Variants in CDH18 observed in about 807,000 individuals in gnomAD.
CDH18 encodes cadherin 18.
Under a neutral mutation model 67.9 loss-of-function variants are expected in CDH18, and 31 were observed. That is an observed-to-expected ratio of 0.46 (90% CI 0.34 to 0.62). The LOEUF (loss-of-function observed/expected upper bound fraction) is 0.62, where lower values mean the gene tolerates loss of function less well. CDH18 is among the 20% of genes least tolerant of loss of function. The probability of loss-of-function intolerance (pLI) is 0.01; values close to 1 mark genes in which losing one functional copy is unlikely to be tolerated. For missense variants in CDH18, 890 were observed against 975.5 expected, an observed-to-expected ratio of 0.91 and a Z score of 1.17; for synonymous variants, 362 against 347.2, an observed-to-expected ratio of 1.04 and a Z score of -0.48.
intron 1 of CDH18, among the ~76,000 whole-genome samples, chr5:20,555,402 G>A (rs1424694485): frequency 2.6e-5 from 2 of 78,136 alleles, no homozygotes; most frequent in Admixed American, 1.3e-4. Context: ...ACCAAGACAA[G>A]CTTTTCTTTT....
intron 6 of CDH18, among the ~76,000 whole-genome samples, chr5:19,604,702 AT>A (rs1303457375): frequency 6.6e-6 from 1 of 152,062 alleles, no homozygotes; most frequent in African/African-American, 2.4e-5. Flanking sequence ...TACTACTGCC[AT>A]TTGAATGCCA....
At chr5:19,737,755 A>G (rs1228806288) in intron 4 of CDH18, among the ~76,000 whole-genome samples, 1 of 152,244 alleles carries the variant, frequency 6.6e-6, no homozygotes, top group Admixed American at 6.5e-5. Context: ...GCATTTGCTT[A>G]AAATCTTTTT....
At chr5:20,090,319 C>T (rs568774723) in intron 2 of CDH18, among the ~76,000 whole-genome samples, 7 of 152,124 alleles carry the variant, frequency 4.6e-5, no homozygotes, top group South Asian at 2.1e-4. Context: ...GGCGAATCAC[C>T]GGTTTAGGAG....
intron 1 of CDH18, among the ~76,000 whole-genome samples, chr5:19,984,626 T>G (rs1485859078): frequency 2.0e-5 from 3 of 152,222 alleles, no homozygotes; most frequent in Non-Finnish European, 2.9e-5. Context: ...GAATCTATGA[T>G]AATTTACCAA....
intron 2 of CDH18, among the ~76,000 whole-genome samples, chr5:20,062,433 G>C (rs1191900204): frequency 3.9e-5 from 6 of 152,000 alleles, no homozygotes; most frequent in African/African-American, 1.4e-4. Context: ...GATGGAATCA[G>C]TTCTCTTTAA....
chr5:19,614,971 C>T (rs1561473454), intron 5 of CDH18, among the ~76,000 whole-genome samples: 1 of 152,022 alleles, frequency 6.6e-6, no homozygotes, highest in Non-Finnish European at 1.5e-5. Flanking sequence ...CATGGTGAAA[C>T]CCCGTCTCTA....
intron 1 of CDH18, among the ~76,000 whole-genome samples, chr5:20,402,637 A>C (rs1051803414): frequency 7.5e-4 from 104 of 138,740 alleles, no homozygotes; most frequent in African/African-American, 3.4e-3. Flanking sequence ...TGGATATCTT[A>C]ACTTAAAATA....
chr5:19,726,290 T>C (rs866646194), intron 4 of CDH18, among the ~76,000 whole-genome samples: 7 of 152,216 alleles, frequency 4.6e-5, no homozygotes, highest in Middle Eastern at 3.4e-3. Flanking sequence ...AAAATATATA[T>C]ATAGTAACTC....
chr5:19,535,331 T>C (rs1749245550), intron 9 of CDH18, among the ~76,000 whole-genome samples: 1 of 152,232 alleles, frequency 6.6e-6, no homozygotes, highest in African/African-American at 2.4e-5. Flanking sequence ...GTAAAAGTGC[T>C]AATTAGGATC....
At chr5:19,817,814 T>C (rs561454807) in intron 3 of CDH18, among the ~76,000 whole-genome samples, 1 of 152,218 alleles carries the variant, frequency 6.6e-6, no homozygotes, top group Admixed American at 6.5e-5. Flanking sequence ...CTGTGAATGG[T>C]CAATACTGAA....
chr5:19,887,246 T>C lies in CDH18; in HGVS notation c.-256-48004A>G, dbSNP rs191122631. 7.9e-5 allele frequency among the ~76,000 whole-genome samples: 12 copies of C among 151,832 alleles called. 1 individual carries two copies. In the East Asian group the frequency reaches 2.1e-3, roughly 27 times the overall value. ...CAAAAACGTAACAGCGCATACTCAC[T>C]ACCAGTTTATTCCCAAACAGCTTTC... On this transcript the variant is annotated intron_variant, in intron 2 of 12. Coordinates refer to ENST00000382275, the MANE Select transcript of CDH18 (RefSeq NM_004934.5).
At chr5:20,278,340 C>A (rs1189007607) in intron 1 of CDH18, among the ~76,000 whole-genome samples, 1 of 151,284 alleles carries the variant, frequency 6.6e-6, no homozygotes, top group Non-Finnish European at 1.5e-5. Context: ...TCTTACAGGG[C>A]AGAAGAGAAT....
Position 20,392,627 on chromosome 5 carries a change from G to A in CDH18, c.-579-137122C>T, listed in dbSNP as rs186482575. Among the ~76,000 whole-genome samples the A allele has an allele frequency of 2.0e-4, 30 of 151,994 alleles. No homozygotes were observed. The East Asian group carries it at 5.6e-3, about 28-fold the overall frequency. ...TGTAATATGCCCAAGGAGAACAAAT[G>A]TTTTGTAGCTGATGAAGACGGGTCT... On this transcript the variant is annotated intron_variant, in intron 1 of 14. Coordinates refer to the CDH18 transcript ENST00000507958.
At chr5:20,038,334 T>C (rs567126603) in intron 2 of CDH18, among the ~76,000 whole-genome samples, 38 of 152,134 alleles carry the variant, frequency 2.5e-4, no homozygotes, top group Non-Finnish European at 5.0e-4. Context: ...GAGGGACTCA[T>C]CCCTAACTCA....
At chr5:20,486,719 A>ATG (rs1232909444) in intron 1 of CDH18, among the ~76,000 whole-genome samples, 3 of 146,942 alleles carry the variant, frequency 2.0e-5, no homozygotes, top group South Asian at 2.2e-4. Flanking sequence ...GTGTGTGTGT[A>ATG]TGTGTGTGTG....
chr5:20,377,285 T>C (rs1189198586), intron 1 of CDH18, among the ~76,000 whole-genome samples: 3 of 152,236 alleles, frequency 2.0e-5, no homozygotes, highest in Admixed American at 6.5e-5. Context: ...AACCTGCAAA[T>C]TAGTTATTTT....
At chr5:19,799,974 T>G (rs1179952707) in intron 3 of CDH18, among the ~76,000 whole-genome samples, 2 of 152,170 alleles carry the variant, frequency 1.3e-5, no homozygotes, top group Non-Finnish European at 2.9e-5. Context: ...AAAGTCCCAT[T>G]AAATTATTAA....
At chr5:19,696,699 T>C (rs1580922678) in intron 5 of CDH18, among the ~76,000 whole-genome samples, 1 of 152,038 alleles carries the variant, frequency 6.6e-6, no homozygotes. Flanking sequence ...CAGCCAAAAA[T>C]ATTTTTCAGT....
chr5:19,475,918 C>T (rs1405656980), intron 12 of CDH18, among the ~76,000 whole-genome samples: 1 of 152,062 alleles, frequency 6.6e-6, no homozygotes, highest in East Asian at 1.9e-4. Context: ...TTTATCTTCA[C>T]TTTTATCATT....
Sources: allele counts gnomAD v4.1 joint callset (sites outside exome capture counted in the v4.1 genomes callset), GRCh38; gene constraint gnomAD v4.1.1; transcripts MANE v1.5; gene names NCBI Gene and HGNC (gene_info 2026-07-23, HGNC 2026-07-21).